The following DAB1 variants were observed in gnomAD, a reference collection of about 807,000 sequenced individuals.
DAB1 encodes disabled homolog 1.
Under a neutral mutation model 64.6 loss-of-function variants are expected in DAB1, and 15 were observed. The observed-to-expected ratio is 0.23, with a 90% CI of 0.16 to 0.36. The LOEUF (loss-of-function observed/expected upper bound fraction) is 0.36. Ranked by LOEUF, DAB1 falls within the 10% of genes least tolerant of loss-of-function variation. The pLI, the probability that DAB1 is intolerant of heterozygous loss-of-function variation, is 1.00. For synonymous variants in DAB1, 235 were observed against 251.9 expected (o/e 0.93, Z 0.64); for missense variants, 596 against 706.7 (o/e 0.84, Z 1.78).
At chr1:58,145,768 C>T (rs1424712211) in intron 5 of DAB1, among the ~76,000 whole-genome samples, 1 of 152,204 alleles carries the variant, frequency 6.6e-6, no homozygotes, top group African/African-American at 2.4e-5. Context: ...ATGATTGTTT[C>T]CACGGACATG....
chr1:57,284,464 C>A (rs567750445), intron 2 of DAB1, among the ~76,000 whole-genome samples: 6 of 152,232 alleles, frequency 3.9e-5, no homozygotes, highest in South Asian at 2.1e-4. Context: ...ATTGGGCAAG[C>A]AAATATTATC....
chr1:57,656,076 AT>A (rs1325864463), intron 6 of DAB1, among the ~76,000 whole-genome samples: 2 of 152,138 alleles, frequency 1.3e-5, no homozygotes, highest in African/African-American at 4.8e-5. Context: ...TAGTGCCCTT[AT>A]ACAAGGTACT....
Position 58,296,193 on chromosome 1 carries a change from AAG to A in DAB1, n.309+47157_309+47158del, listed in dbSNP as rs770800623. Among the ~76,000 whole-genome samples the A allele has an allele frequency of 6.9e-3, 701 of 101,716 alleles. 4 individuals carry two copies. The highest frequency in any genetic ancestry group is 0.036 in the Middle Eastern group (7 of 194). 66.7% of individuals were successfully genotyped at this position (101,716 alleles called of 152,430 possible). On this transcript the variant is annotated intron_variant and non_coding_transcript_variant, in intron 4 of 20. Transcript: ENST00000485760. The stretch of plus-strand genomic sequence containing the variant: ...AAGAAAAAAGAAAGAAAGAGAAAGA[AAG>A]AGAAAGAAAGAAAGAAAGAAAGAAA...
At chr1:57,459,442 T>G (rs1463476181) in intron 7 of DAB1, among the ~76,000 whole-genome samples, 1 of 152,200 alleles carries the variant, frequency 6.6e-6, no homozygotes, top group African/African-American at 2.4e-5. Context: ...CTTGGGATAT[T>G]CTCCAAAATT....
At chr1:57,890,352 C>T (rs1165068692) in intron 5 of DAB1, among the ~76,000 whole-genome samples, 1 of 152,022 alleles carries the variant, frequency 6.6e-6, no homozygotes, top group Non-Finnish European at 1.5e-5. Context: ...GGTCTGTGAC[C>T]CCAACTCTTC....
At chr1:57,087,865 A>C (rs1222998169) in intron 4 of DAB1, among the ~76,000 whole-genome samples, 1 of 152,120 alleles carries the variant, frequency 6.6e-6, no homozygotes, top group African/African-American at 2.4e-5. Context: ...CCACTGATGA[A>C]TCTGTGCAAG....
intron 3 of DAB1, among the ~76,000 whole-genome samples, chr1:57,142,785 G>T (rs1007039706): frequency 7.2e-5 from 11 of 152,152 alleles, no homozygotes; most frequent in African/African-American, 2.2e-4. Context: ...TTGAGGTGCT[G>T]TGTGACCGAT....
intron 8 of DAB1, among the ~76,000 whole-genome samples, chr1:57,064,942 A>G (rs1264117390): frequency 6.6e-6 from 1 of 152,180 alleles, no homozygotes; most frequent in African/African-American, 2.4e-5. Context: ...ATAAATTACC[A>G]GCCCTCACTT....
At chr1:57,612,657 C>A (rs1225260263) in intron 7 of DAB1, among the ~76,000 whole-genome samples, 1 of 152,110 alleles carries the variant, frequency 6.6e-6, no homozygotes, top group African/African-American at 2.4e-5. Context: ...CTGCCAAGAT[C>A]TTAATTTCAG....
intron 4 of DAB1, among the ~76,000 whole-genome samples, chr1:58,167,069 CT>C (rs1655880823): frequency 6.7e-6 from 1 of 149,878 alleles, no homozygotes. Context: ...AAAAAAAAAG[CT>C]GCCAAATTGC....
At chr1:58,162,411 C>G (rs1655591366) in intron 4 of DAB1, among the ~76,000 whole-genome samples, 7 of 151,506 alleles carry the variant, frequency 4.6e-5, no homozygotes, top group Admixed American at 4.6e-4. Flanking sequence ...CTTTCTTTTT[C>G]TTTTAAATAA....
At chr1:57,727,662 C>G (rs1018633477) in intron 6 of DAB1, among the ~76,000 whole-genome samples, 4 of 151,562 alleles carry the variant, frequency 2.6e-5, no homozygotes, top group Non-Finnish European at 4.4e-5. Context: ...CTTTCTCTCT[C>G]CTCTTCTCTT....
chr1:58,333,045 G>A (rs1464905980), intron 4 of DAB1, among the ~76,000 whole-genome samples: 1 of 152,156 alleles, frequency 6.6e-6, no homozygotes, highest in Non-Finnish European at 1.5e-5. Flanking sequence ...AAATAGCTGG[G>A]ATTACAGGCG....
intron 4 of DAB1, among the ~76,000 whole-genome samples, chr1:57,128,861 T>A (rs1657385127): frequency 6.6e-6 from 1 of 152,142 alleles, no homozygotes; most frequent in African/African-American, 2.4e-5. Flanking sequence ...ACTATGCCCA[T>A]GAAGGGGAGA....
chr1:57,963,083 A>G (rs1231056105), intron 5 of DAB1, among the ~76,000 whole-genome samples: 1 of 152,108 alleles, frequency 6.6e-6, no homozygotes, highest in Non-Finnish European at 1.5e-5. Context: ...CACATATGAC[A>G]GTATTCATTC....
intron 2 of DAB1, among the ~76,000 whole-genome samples, chr1:57,277,199 T>C (rs918140467): frequency 9.8e-5 from 15 of 152,304 alleles, no homozygotes; most frequent in African/African-American, 3.1e-4. Context: ...GAAGCTACTA[T>C]GGTCAACAAA....
chr1:57,789,963 C>T (rs1022019476), intron 6 of DAB1, among the ~76,000 whole-genome samples: 3 of 152,104 alleles, frequency 2.0e-5, no homozygotes, highest in Non-Finnish European at 4.4e-5. Flanking sequence ...CTGTCAAGAA[C>T]CTCACATATA....
chr1:58,455,368 G>A (rs1044497398), intron 3 of DAB1, among the ~76,000 whole-genome samples: 1 of 152,236 alleles, frequency 6.6e-6, no homozygotes, highest in Non-Finnish European at 1.5e-5. Flanking sequence ...CTTCTACGTG[G>A]CCTTAATACC....
chr1:58,046,028 T>C (rs959163542), intron 5 of DAB1, among the ~76,000 whole-genome samples: 1 of 151,958 alleles, frequency 6.6e-6, no homozygotes, highest in African/African-American at 2.4e-5. Flanking sequence ...ACCTTATTTA[T>C]AGAAAGAGGC....
Sources: gnomAD v4.1 joint callset for allele counts (sites outside exome capture counted in the v4.1 genomes callset) on GRCh38, gnomAD v4.1.1 for gene constraint, MANE v1.5 for transcripts, NCBI Gene and HGNC (gene_info 2026-07-23, HGNC 2026-07-21) for gene names.